PARD3B: variants seen among roughly 807,000 people sequenced by gnomAD.
PARD3B encodes the protein partitioning defective 3 homolog B.
A neutral mutation model predicts 130.2 loss-of-function variants in PARD3B; 103 were observed. The ratio of observed to expected loss-of-function variants is 0.79; its 90% CI spans 0.67 to 0.93. The LOEUF (loss-of-function observed/expected upper bound fraction) is 0.93. PARD3B is among the 40% of genes least tolerant of loss of function. The pLI, the probability that PARD3B is intolerant of heterozygous loss-of-function variation, is 0.00. For synonymous variants in PARD3B, 583 were observed against 553.2 expected, an observed-to-expected ratio of 1.05 and a Z score of -0.76; for missense variants, 1,609 against 1,499.2, an observed-to-expected ratio of 1.07 and a Z score of -1.21.
At chr2:204,891,646 T>C (rs2046450505) in intron 2 of PARD3B, among the ~76,000 whole-genome samples, 1 of 152,182 alleles carries the variant, frequency 6.6e-6, no homozygotes, top group Admixed American at 6.5e-5. Flanking sequence ...TGCAGTCTCA[T>C]TGAAAACCAG....
chr2:204,766,991 A>ATTTTTTAT (rs141505640), intron 2 of PARD3B, among the ~76,000 whole-genome samples: 57 of 98,694 alleles, frequency 5.8e-4, no homozygotes, highest in African/African-American at 2.1e-3. Context: ...CACATTTTTT[A>ATTTTTTAT]TTTTATTTTT....
At chr2:205,596,019 A>G (rs1277061338) in intron 22 of PARD3B, among the ~76,000 whole-genome samples, 2 of 152,164 alleles carry the variant, frequency 1.3e-5, no homozygotes, top group Non-Finnish European at 2.9e-5. Context: ...TAGCTGCTCC[A>G]TTTTACCAGC....
chr2:205,370,494 T>C (rs2044770347), intron 18 of PARD3B, among the ~76,000 whole-genome samples: 1 of 152,158 alleles, frequency 6.6e-6, no homozygotes, highest in East Asian at 1.9e-4. Flanking sequence ...ATGCAATGTG[T>C]ACCTCTCGAG....
chr2:204,721,918 G>T (rs2039014487), intron 2 of PARD3B, among the ~76,000 whole-genome samples: 1 of 151,984 alleles, frequency 6.6e-6, no homozygotes, highest in Non-Finnish European at 1.5e-5. Context: ...AGTTTATTAA[G>T]AACTACCTCT....
intron 1 of PARD3B, among the ~76,000 whole-genome samples, chr2:204,624,431 T>C (rs2034410892): frequency 6.6e-6 from 1 of 152,026 alleles, no homozygotes; most frequent in Admixed American, 6.5e-5. Flanking sequence ...AATGAAAAAA[T>C]AGAAATATGT....
chr2:205,366,035 C>T lies in PARD3B; in HGVS notation c.2631-34978C>T, dbSNP rs1559706908. Among the ~76,000 whole-genome samples, 1 of 152,068 alleles carries T rather than the reference C, an allele frequency of 6.6e-6. No homozygotes were observed. Among genetic ancestry groups the T allele is most frequent in the African/African-American group, 2.4e-5 (1 of 41,396 alleles). Reference sequence around the variant, plus strand: ...CCAAAGCAAAAGATTATCCATTTATCCTATCTATCTACCCACCCACCCATC... The same window carrying T: ...CCAAAGCAAAAGATTATCCATTTATTCTATCTATCTACCCACCCACCCATC... On this transcript the variant is annotated intron_variant, in intron 18 of 22. Coordinates refer to ENST00000406610, the MANE Select transcript of PARD3B (RefSeq NM_001302769.2). The surrounding 1 kb of genome is among the most constrained non-coding windows in gnomAD (Gnocchi z 5.0).
At chr2:204,803,657 A>G (rs1171364141) in intron 2 of PARD3B, among the ~76,000 whole-genome samples, 3 of 152,182 alleles carry the variant, frequency 2.0e-5, no homozygotes, top group Admixed American at 6.5e-5. Flanking sequence ...AATGGGCTGT[A>G]AGATACTATT....
intron 18 of PARD3B, among the ~76,000 whole-genome samples, chr2:205,335,086 C>T (rs951921732): frequency 3.9e-5 from 6 of 152,148 alleles, no homozygotes; most frequent in Admixed American, 1.3e-4. Context: ...CCCTCCCTTC[C>T]GTTCATCCTT....
At chr2:205,256,928 AGC>A (rs2040111690) in intron 16 of PARD3B, among the ~76,000 whole-genome samples, 1 of 152,202 alleles carries the variant, frequency 6.6e-6, no homozygotes, top group African/African-American at 2.4e-5. Context: ...AAAAGAAAAA[AGC>A]CATAAGGAAA....
chr2:204,761,454 G>C (rs758391853), intron 2 of PARD3B, among the ~76,000 whole-genome samples: 2 of 152,126 alleles, frequency 1.3e-5, no homozygotes, highest in African/African-American at 2.4e-5. Context: ...TCCTTAAGCT[G>C]TGTGGCTTTT....
intron 22 of PARD3B, among the ~76,000 whole-genome samples, chr2:205,581,932 C>A (rs545700905): frequency 6.6e-6 from 1 of 152,220 alleles, no homozygotes; most frequent in Non-Finnish European, 1.5e-5. Flanking sequence ...CAGCTTGGTT[C>A]CCTTGGTTCC....
rs192616542 is a variant in PARD3B, at chr2:204,977,953, A to G, written c.394+12630A>G. Reference sequence around the variant, plus strand: ...CTTAGAGGATCAAAATCTGCAACCTATGGATGGCAAGTGCAGCCACTTTCA... The same window carrying G: ...CTTAGAGGATCAAAATCTGCAACCTGTGGATGGCAAGTGCAGCCACTTTCA... On this transcript the variant is annotated intron_variant, in intron 3 of 22. Transcript: ENST00000406610. 3.4e-3 allele frequency among the ~76,000 whole-genome samples: 523 copies of G among 152,244 alleles called. 1 individual carries two copies. Among genetic ancestry groups the G allele is most frequent in the Non-Finnish European group, 6.3e-3 (430 of 68,012 alleles).
chr2:205,136,339 T>G (rs1441152045), intron 10 of PARD3B, among the ~76,000 whole-genome samples: 2 of 152,212 alleles, frequency 1.3e-5, no homozygotes, highest in African/African-American at 2.4e-5. Context: ...TTACTTCTAC[T>G]TCACATGAAA....
At chr2:205,126,752 C>CAAAAAAAAAAAAAAAAAAAAAA (rs4045004) in intron 10 of PARD3B, among the ~76,000 whole-genome samples, 3 of 74,454 alleles carry the variant, frequency 4.0e-5, no homozygotes, top group African/African-American at 6.5e-5. Context: ...GACTCCGTCT[C>CAAAAAAAAAAAAAAAAAAAAAA]AAAAAAAAAA....
At chr2:205,047,410 A>G (rs975891515) in intron 3 of PARD3B, among the ~76,000 whole-genome samples, 171 bp from the exon 4 acceptor site, 1 of 152,230 alleles carries the variant, frequency 6.6e-6, no homozygotes, top group African/African-American at 2.4e-5. Flanking sequence ...GTGTCAACCT[A>G]TAAATAGATG....
rs767579602 is a variant in PARD3B, at chr2:205,158,652, G to T, written c.1435-70G>T. 8 of 1,430,264 alleles carry T rather than the reference G, an allele frequency of 5.6e-6. No individual in the cohort carries two copies. In the South Asian group the frequency reaches 6.4e-5, roughly 12 times the overall value. The allele number at this position is 1,430,264 out of a possible 1,614,324, so 88.6% of individuals were successfully genotyped here. A position where few individuals can be genotyped will look rare whatever the true frequency, so the allele number is the denominator to read the frequency against. On this transcript the variant is annotated intron_variant, in intron 10 of 22. Coordinates refer to ENST00000406610, the MANE Select transcript of PARD3B (RefSeq NM_001302769.2). The surrounding 1 kb of genome is among the most constrained non-coding windows in gnomAD (Gnocchi z 5.4). ...GTCCTACTGATTGCATCTGTGTCTG[G>T]TCATCTGAGAGAGTGAAATATTAAT... is the stretch of plus-strand genomic sequence containing the variant.
intron 18 of PARD3B, among the ~76,000 whole-genome samples, chr2:205,372,995 A>G (rs919358157): frequency 6.6e-6 from 1 of 152,188 alleles, no homozygotes; most frequent in Non-Finnish European, 1.5e-5. Flanking sequence ...TGAATGATGA[A>G]TTATTTTTTT....
intron 2 of PARD3B, among the ~76,000 whole-genome samples, chr2:204,950,401 G>A (rs528742732): frequency 6.6e-6 from 1 of 152,320 alleles, no homozygotes; most frequent in Non-Finnish European, 1.5e-5. Flanking sequence ...AAAGTGGTGT[G>A]AGCCCAGATT....
chr2:205,182,526 A>G (rs1380870582), intron 13 of PARD3B, among the ~76,000 whole-genome samples: 1 of 152,206 alleles, frequency 6.6e-6, no homozygotes, highest in Non-Finnish European at 1.5e-5. Context: ...AAAACGAGAA[A>G]GAGGAACACG....
Sources: gnomAD v4.1 joint callset for allele counts (sites outside exome capture counted in the v4.1 genomes callset) on GRCh38, gnomAD v4.1.1 for gene constraint, Gnocchi (gnomAD v3.1) non-coding constraint, MANE v1.5 for transcripts, NCBI Gene and HGNC (gene_info 2026-07-23, HGNC 2026-07-21) for gene names.